Variants in JPH3 observed in about 807,000 individuals in gnomAD.
The protein encoded by JPH3 is junctophilin-3.
JPH3 carries 11 observed loss-of-function variants against 59.6 expected under a neutral mutation model. The ratio of observed to expected loss-of-function variants is 0.18; its 90% CI spans 0.12 to 0.31. The LOEUF is 0.31. Ranked by LOEUF, JPH3 falls within the 10% of genes least tolerant of loss-of-function variation. The pLI, the probability that JPH3 is intolerant of heterozygous loss-of-function variation, is 1.00. For missense variants in JPH3, 1,202 were observed against 1,105.7 expected, an observed-to-expected ratio of 1.09 and a Z score of -1.24; for synonymous variants, 673 against 483.6, an observed-to-expected ratio of 1.39 and a Z score of -5.14.
At chr16:87,657,473 G>A (rs554173623) in intron 2 of JPH3, among the ~76,000 whole-genome samples, 7 of 152,290 alleles carry the variant, frequency 4.6e-5, no homozygotes, top group Admixed American at 6.5e-5. Context: ...CAAGTGGACC[G>A]GTGACCGATG....
rs2033542215 is a variant in JPH3, at chr16:87,690,539, C to A, written c.2166+13C>A. The A allele has an allele frequency of 8.9e-6, 13 of 1,457,642 alleles. No individual in the cohort carries two copies. In the East Asian group the frequency reaches 3.2e-4, roughly 36 times the overall value. 90.3% of individuals were successfully genotyped at this position (1,457,642 alleles called of 1,614,324 possible). A position where few individuals can be genotyped will look rare whatever the true frequency, so the allele number is the denominator to read the frequency against. On this transcript the variant is annotated intron_variant, in intron 4 of 4. Transcript: ENST00000284262. Reference sequence around the variant, plus strand: ...CAAGTCCAGTACGGTGAGTGGGCGGCCACCAGGCTGGTCCCAGTGGAGGCA... The same window carrying A: ...CAAGTCCAGTACGGTGAGTGGGCGGACACCAGGCTGGTCCCAGTGGAGGCA...
intron 2 of JPH3, among the ~76,000 whole-genome samples, chr16:87,653,099 C>G (rs1053643620): frequency 1.3e-5 from 2 of 152,224 alleles, no homozygotes; most frequent in African/African-American, 4.8e-5. Context: ...ACCCAGGCCT[C>G]TGCTCTCAGT....
intron 2 of JPH3, among the ~76,000 whole-genome samples, chr16:87,680,437 C>G (rs1223954669): frequency 2.0e-5 from 3 of 152,242 alleles, no homozygotes; most frequent in Non-Finnish European, 4.4e-5. Context: ...AGGAACCGGG[C>G]CTTTTCTTGC....
intron 1 of JPH3, among the ~76,000 whole-genome samples, chr16:87,638,483 C>G (rs766811960): frequency 3.3e-5 from 5 of 151,940 alleles, no homozygotes; most frequent in Admixed American, 6.6e-5. Flanking sequence ...CAGGACTGTA[C>G]AGAGCACTTG....
intron 2 of JPH3, among the ~76,000 whole-genome samples, chr16:87,657,900 T>A (rs2032559947): frequency 6.6e-6 from 1 of 152,220 alleles, no homozygotes; most frequent in African/African-American, 2.4e-5. Flanking sequence ...GGGGCTTCAG[T>A]GCTGTGGGAG....
chr16:87,616,121 C>G (rs996856005), intron 1 of JPH3, among the ~76,000 whole-genome samples: 2 of 150,236 alleles, frequency 1.3e-5, no homozygotes, highest in East Asian at 2.0e-4. Context: ...GGTTGGGGGA[C>G]TTTGAATTTT....
At chr16:87,603,562 G>A in intron 1 of JPH3, 34 bp downstream of exon 1, 1 of 1,536,050 alleles carries the variant, frequency 6.5e-7, no homozygotes, top group Non-Finnish European at 8.8e-7. Context: ...GCCGGGGCGG[G>A]AGGGACGTGC....
intron 2 of JPH3, among the ~76,000 whole-genome samples, chr16:87,667,799 T>C (rs976799679): frequency 4.6e-5 from 7 of 152,204 alleles, no homozygotes; most frequent in African/African-American, 1.7e-4. Context: ...CTCTTCTCTG[T>C]CTGTTTTTGT....
At chr16:87,626,557 A>G (rs1293661845) in intron 1 of JPH3, among the ~76,000 whole-genome samples, 1 of 152,172 alleles carries the variant, frequency 6.6e-6, no homozygotes, top group East Asian at 1.9e-4. Flanking sequence ...ATAGCTACAC[A>G]TGCCCATGGG....
intron 2 of JPH3, among the ~76,000 whole-genome samples, chr16:87,669,349 G>T (rs920041663): frequency 2.6e-5 from 4 of 152,234 alleles, no homozygotes; most frequent in African/African-American, 9.6e-5. Flanking sequence ...TGACTTGGGA[G>T]GGGTGAGAAA....
intron 3 of JPH3, 130 bp downstream of exon 3, chr16:87,684,396 C>A: frequency 5.0e-6 from 7 of 1,389,914 alleles, no homozygotes; most frequent in Non-Finnish European, 6.8e-6. Flanking sequence ...GCTCCCCTGC[C>A]CGGTGTCTTC....
intron 2 of JPH3, among the ~76,000 whole-genome samples, chr16:87,647,444 G>A (rs2032189382): frequency 6.6e-6 from 1 of 152,114 alleles, no homozygotes; most frequent in Non-Finnish European, 1.5e-5. Flanking sequence ...GTGCAGCTGT[G>A]AAACTGACGG....
Position 87,690,312 on chromosome 16 carries a change from G to A in JPH3, c.1952G>A (p.Gly651Glu), listed in dbSNP as rs970922443. 1 of 1,594,672 alleles carries A rather than the reference G, an allele frequency of 6.3e-7. No individual in the cohort carries two copies. Among genetic ancestry groups the A allele is most frequent in the African/African-American group, 1.3e-5 (1 of 74,412 alleles). ...DDHRPEDRGF[G>E]VQRLRSKAQN... ...CACCGCCCCGAGGACCGGGGCTTCG[G>A]GGTGCAGAGACTGCGGTCCAAGGCC... is the stretch of plus-strand genomic sequence containing the variant. The change falls in exon 4 of 5, where the codon GGG (glycine) becomes GAG (glutamate). Residue 651 changes from glycine to glutamate, a missense_variant. Physicochemically the swap from Gly to Glu is moderately conservative, Grantham distance 98 (BLOSUM62 -2). Transcript: ENST00000284262.
intron 2 of JPH3, among the ~76,000 whole-genome samples, chr16:87,679,251 C>G (rs1411447898): frequency 3.3e-5 from 5 of 151,746 alleles, no homozygotes; most frequent in African/African-American, 9.7e-5. Context: ...CTCTTTCTTT[C>G]TTTAAAAATT....
intron 3 of JPH3, among the ~76,000 whole-genome samples, chr16:87,685,788 G>A (rs1037621027): frequency 1.3e-5 from 2 of 152,222 alleles, no homozygotes; most frequent in Non-Finnish European, 2.9e-5. Flanking sequence ...TTTCCTCTCA[G>A]AGCCTCAGTT....
chr16:87,618,757 T>C (rs1226739666), intron 1 of JPH3, among the ~76,000 whole-genome samples: 1 of 152,182 alleles, frequency 6.6e-6, no homozygotes, highest in African/African-American at 2.4e-5. Flanking sequence ...GGTACATCTT[T>C]GGAGCAATGC....
rs761179324 is a variant in JPH3 at position 87,603,500 on chromosome 16, C to T, written c.354C>T (p.Gly118=). The T allele has an allele frequency of 1.7e-5, 26 of 1,549,934 alleles. No homozygotes were observed. In the Admixed American group the frequency reaches 4.9e-4, roughly 29 times the overall value. The part of the protein sequence containing the change: ...EGTWSNGLQD[G]YGTETYSDGG... ...CCTGGAGCAACGGGCTGCAGGACGG[C>T]TACGGGACCGAGACCTACTCGGACG... is the stretch of plus-strand genomic sequence containing the variant. Residue 118 remains glycine, a synonymous_variant, in exon 1 of 5, where the codon GGC becomes GGT. Transcript: ENST00000284262.
chr16:87,656,776 T>C (rs2150855492), intron 2 of JPH3, among the ~76,000 whole-genome samples: 1 of 152,274 alleles, frequency 6.6e-6, no homozygotes, highest in South Asian at 2.1e-4. Flanking sequence ...TGGCTCAGCT[T>C]GGACTGCCAT....
At chr16:87,612,870 A>T (rs1045469999) in intron 1 of JPH3, among the ~76,000 whole-genome samples, 2 of 151,460 alleles carry the variant, frequency 1.3e-5, no homozygotes, top group African/African-American at 2.4e-5. Context: ...TACAAAAAAA[A>T]TATTAGCTGG....
Sources: allele counts gnomAD v4.1 joint callset (sites outside exome capture counted in the v4.1 genomes callset), GRCh38; gene constraint gnomAD v4.1.1; transcripts MANE v1.5; gene names NCBI Gene and HGNC (gene_info 2026-07-23, HGNC 2026-07-21).